The following POMT1 variants were observed in gnomAD, a reference collection of about 807,000 sequenced individuals.
The protein encoded by POMT1 is protein O-mannosyltransferase 1, also known as protein O-mannosyl-transferase 1.
A neutral mutation model predicts 101.6 loss-of-function variants in POMT1; 85 were observed. The ratio of observed to expected loss-of-function variants is 0.84; its 90% CI spans 0.70 to 1.00. POMT1 has a LOEUF of 1.00. Ranked by LOEUF, POMT1 falls within the 50% of genes least tolerant of loss-of-function variation. The pLI, the probability that POMT1 is intolerant of heterozygous loss-of-function variation, is 0.00. For missense variants in POMT1, 857 were observed against 930.4 expected (o/e 0.92, Z 1.03); for synonymous variants, 371 against 383.0 (o/e 0.97, Z 0.37).
At position 131,515,503 on chromosome 9, in the gene POMT1, C is replaced by T. The variant is rs369651101; in HGVS notation, c.1253C>T (p.Ala418Val). Residue 418 changes from alanine to valine, a missense_variant, in exon 13 of 20, where the codon GCC becomes GTC. Coordinates refer to ENST00000402686, the MANE Select transcript of POMT1 (RefSeq NM_001077365.2). The part of the protein sequence containing the change: ...CYIDYNISMP[A>V]QNLWRLEIVN... ...ATTGACTATAACATCTCCATGCCCG[C>T]CCAGAACCTCTGGAGACTGGTGAGT... 2.1e-5 allele frequency: 34 copies of T among 1,614,202 alleles called. No individual in the cohort carries two copies. The highest frequency in any genetic ancestry group is 1.5e-4 in the African/African-American group (11 of 75,062).
In POMT1 at chr9:131,510,217, T is replaced by G. The variant is rs376255754; in HGVS notation, c.700-43T>G. On this transcript the variant is annotated intron_variant, in intron 8 of 19. Coordinates refer to ENST00000402686, the MANE Select transcript of POMT1 (RefSeq NM_001077365.2). ...CACAATGTCTAGAGGTGGGTACGCTTTTCCACGCAGTGGAACATGACTTTT... is the reference window on the plus strand; with the variant it reads ...CACAATGTCTAGAGGTGGGTACGCTGTTCCACGCAGTGGAACATGACTTTT... 8.8e-4 allele frequency: 1,418 copies of G among 1,613,966 alleles called. 14 individuals are homozygous for G. Among genetic ancestry groups the G allele is most frequent in the Middle Eastern group, 1.3e-3 (8 of 6,062 alleles).
intron 12 of POMT1, among the ~76,000 whole-genome samples, chr9:131,514,170 C>G (rs1476862681): frequency 6.6e-6 from 1 of 152,184 alleles, no homozygotes; most frequent in Admixed American, 6.5e-5. Context: ...CCCTCTACTC[C>G]CACCTCCTGG....
intron 3 of POMT1, 25 bp downstream of exon 3, chr9:131,506,245 C>T (rs1945789352): frequency 6.2e-7 from 1 of 1,608,082 alleles, no homozygotes; most frequent in East Asian, 2.2e-5. Flanking sequence ...GAGAGTAGCC[C>T]CTACCCTTCA....
At position 131,506,212 on chromosome 9, in the gene POMT1, C is replaced by T. The variant is rs1309626764; in HGVS notation, c.221C>T (p.Ala74Val). ...SGPPFGHMVL[A>V]LGGYLGGFDG... The stretch of plus-strand genomic sequence containing the variant: ...CCGCCATTTGGCCACATGGTGCTGG[C>T]CTTGGGAGGTAGGAGTCATCAGGAG... Residue 74 changes from alanine to valine, a missense_variant, in exon 3 of 20, where the codon GCC becomes GTC. Transcript: ENST00000402686. 1 of 1,614,062 alleles carries T rather than the reference C, an allele frequency of 6.2e-7. No individual in the cohort carries two copies. The highest frequency in any genetic ancestry group is 1.1e-5 in the South Asian group (1 of 91,084).
In POMT1 at chr9:131,522,869, G is replaced by C; in HGVS notation, c.2004-63G>C. 6.7e-7 allele frequency: 1 copy of C among 1,490,382 alleles called. No individual in the cohort carries two copies. The highest frequency in any genetic ancestry group is 9.1e-7 in the Non-Finnish European group (1 of 1,104,138). 92.3% of individuals were successfully genotyped at this position (1,490,382 alleles called of 1,614,324 possible). On this transcript the variant is annotated intron_variant, in intron 19 of 19. Transcript: ENST00000402686. This position sits in a 1 kb window ranked among gnomAD's most constrained non-coding sequence, Gnocchi z 5.5. ...CCGTGTGGACAGCAGATGCCAAGAG[G>C]GTGCCGGGCAGGGAAGCCGCAGTGG...
In POMT1 at chr9:131,523,197, C is replaced by CG; in HGVS notation, c.*92dup. 1.3e-6 allele frequency: 2 copies of CG among 1,494,670 alleles called. No homozygotes were observed. Among genetic ancestry groups the CG allele is most frequent in the Non-Finnish European group, 1.8e-6 (2 of 1,102,076 alleles). 92.6% of individuals were successfully genotyped at this position (1,494,670 alleles called of 1,614,324 possible). On this transcript the variant is annotated 3_prime_UTR_variant, in exon 20 of 20. Coordinates refer to ENST00000402686, the MANE Select transcript of POMT1 (RefSeq NM_001077365.2). ...TACGTAATGAGCAGGGTGGGCCCCA[C>CG]GCTGGGAGGACACGGGCTGGGCTGA...
intron 13 of POMT1, chr9:131,516,980 T>A (rs1478039608): frequency 6.6e-6 from 1 of 152,228 alleles, no homozygotes; most frequent in African/African-American, 2.4e-5. Flanking sequence ...TGGGAAAGGT[T>A]CCATAAAAAG....
intron 12 of POMT1, 83 bp from the exon 13 acceptor site, chr9:131,515,343 A>G (rs971947873): frequency 4.2e-6 from 6 of 1,428,460 alleles, no homozygotes; most frequent in Non-Finnish European, 4.0e-6. Flanking sequence ...CTGAAAAGCA[A>G]CCTTTTCCTG....
chr9:131,509,628 G>T, intron 6 of POMT1, 115 bp from the exon 7 acceptor site: 1 of 1,596,790 alleles, frequency 6.3e-7, no homozygotes, highest in Non-Finnish European at 8.5e-7. Context: ...TGCCCCTGTG[G>T]CTCAGCATGG....
rs1305774834 is a variant in POMT1 at position 131,523,595 on chromosome 9, G to A, written c.*489G>A. 1.8e-5 allele frequency: 4 copies of A among 220,038 alleles called. No individual in the cohort carries two copies. The South Asian group carries it at 2.9e-4, about 16-fold the overall frequency. 13.6% of individuals were successfully genotyped at this position (220,038 alleles called of 1,614,324 possible). On this transcript the variant is annotated 3_prime_UTR_variant, in exon 20 of 20. Coordinates refer to ENST00000402686, the MANE Select transcript of POMT1 (RefSeq NM_001077365.2). ...AGTGTTGGAGGGCCACCTGAACCACGAGCCAGGGCTGGGGCTTGCATGTCA... is the reference window on the plus strand; with the variant it reads ...AGTGTTGGAGGGCCACCTGAACCACAAGCCAGGGCTGGGGCTTGCATGTCA...
intron 17 of POMT1, among the ~76,000 whole-genome samples, chr9:131,520,647 CAG>C (rs1949733424): frequency 6.6e-6 from 1 of 152,226 alleles, no homozygotes; most frequent in African/African-American, 2.4e-5. Flanking sequence ...CCTCCTCCCT[CAG>C]AGGCGGGTAG....
At chr9:131,510,101 A>C in intron 8 of POMT1, 105 bp downstream of exon 8, 1 of 1,613,920 alleles carries the variant, frequency 6.2e-7, no homozygotes, top group Non-Finnish European at 8.5e-7. Flanking sequence ...ATGTTTTAGA[A>C]GCAGGCAGGC....
Position 131,508,976 on chromosome 9 carries a change from T to G in POMT1, c.493T>G (p.Leu165Val). 1 of 1,614,076 alleles carries G rather than the reference T, an allele frequency of 6.2e-7. No individual in the cohort carries two copies. Reference sequence around the variant, plus strand: ...ATCAGTGTTAATATTTTTCAATCTATTGGCCGTGTTGTCCTACCTGAAGTT... The same window carrying G: ...ATCAGTGTTAATATTTTTCAATCTAGTGGCCGTGTTGTCCTACCTGAAGTT... Reference protein sequence around the residue: ...LESVLIFFNLLAVLSYLKFFN... With the variant: ...LESVLIFFNLVAVLSYLKFFN... The change falls in exon 6 of 20, where the codon TTG becomes GTG. Residue 165 changes from leucine (L) to valine (V), a missense_variant. Leu to Val is a conservative substitution (Grantham distance 32). Transcript: ENST00000402686.
intron 18 of POMT1, among the ~76,000 whole-genome samples, 197 bp from the exon 19 acceptor site, chr9:131,521,850 A>G (rs1414158531): frequency 2.6e-5 from 4 of 152,214 alleles, no homozygotes; most frequent in Admixed American, 2.6e-4. Context: ...TAACACAGGC[A>G]GCCAGGCCGG....
At chr9:131,517,167 G>T (rs116946133) in intron 13 of POMT1, among the ~76,000 whole-genome samples, 1 of 151,718 alleles carries the variant, frequency 6.6e-6, no homozygotes, top group Non-Finnish European at 1.5e-5. Flanking sequence ...GCCCTGTTTC[G>T]CTTGACAGAG....
Position 131,515,161 on chromosome 9 carries a change from G to A in POMT1, c.1176-265G>A, listed in dbSNP as rs533265367. On this transcript the variant is annotated intron_variant, in intron 12 of 19. Coordinates refer to ENST00000402686, the MANE Select transcript of POMT1 (RefSeq NM_001077365.2). ...CCTTCCTCTGAAACTTGGTTCGCTC[G>A]TCTAACAGGTGGAAGGTTCCACAGC... 5.3e-5 allele frequency among the ~76,000 whole-genome samples: 8 copies of A among 152,274 alleles called. No homozygotes were observed. The East Asian group carries it at 5.8e-4, about 11-fold the overall frequency.
chr9:131,503,415 G>T lies in POMT1; in HGVS notation c.-31+342G>T. On this transcript the variant is annotated intron_variant, in intron 1 of 19. Coordinates refer to ENST00000402686, the MANE Select transcript of POMT1 (RefSeq NM_001077365.2). The surrounding 1 kb of genome is among the most constrained non-coding windows in gnomAD (Gnocchi z 4.4). ...CGGCCAGGGAGATGCGGTCTGCAAG[G>T]GGAGAGGAGGCACTCCCAGGACAGA... 6.5e-6 allele frequency: 1 copy of T among 154,416 alleles called. No individual in the cohort carries two copies. 9.6% of individuals were successfully genotyped at this position (154,416 alleles called of 1,614,324 possible).
chr9:131,513,423 T>A, intron 12 of POMT1, 92 bp downstream of exon 12: 1 of 1,177,610 alleles, frequency 8.5e-7, no homozygotes, highest in Non-Finnish European at 1.2e-6. Flanking sequence ...CTTGGGCCGC[T>A]GCCCCCTGTC....
At position 131,513,210 on chromosome 9, in the gene POMT1, T is replaced by C. The variant is rs758497210; in HGVS notation, c.1083-29T>C. On this transcript the variant is annotated intron_variant, in intron 11 of 19. Transcript: ENST00000402686. ...GTTAGTTCGAGGGGACCAGGCTCTG[T>C]GTGGTCCCGACAGCACTGTGTCTTC... The C allele has an allele frequency of 7.6e-6, 12 of 1,586,062 alleles. No homozygotes were observed. The East Asian group carries it at 2.7e-4, about 35-fold the overall frequency.
Sources: gnomAD v4.1 joint callset for allele counts (sites outside exome capture counted in the v4.1 genomes callset) on GRCh38, gnomAD v4.1.1 for gene constraint, Gnocchi (gnomAD v3.1) non-coding constraint, MANE v1.5 for transcripts, NCBI Gene and HGNC (gene_info 2026-07-23, HGNC 2026-07-21) for gene names.